VPS39: variants seen among roughly 807,000 people sequenced by gnomAD.
The protein encoded by VPS39 is vam6/Vps39-like protein.
Under a neutral mutation model 121.0 loss-of-function variants are expected in VPS39, and 70 were observed. The observed-to-expected ratio is 0.58, with a 90% confidence interval of 0.48 to 0.71. VPS39 has a LOEUF of 0.71. Ranked by LOEUF, VPS39 falls within the 30% of genes least tolerant of loss-of-function variation. The pLI is 0.00. For synonymous variants in VPS39, 378 were observed against 398.1 expected (o/e 0.95, Z 0.60); for missense variants, 818 against 1,051.5 (o/e 0.78, Z 3.07).
At position 42,187,794 on chromosome 15, in the gene VPS39, G is replaced by C. The variant is rs750415896; in HGVS notation, c.405C>G (p.Leu135=). The change falls in exon 6 of 25, where the codon CTC becomes CTG. Residue 135 remains leucine (L), a synonymous_variant. Coordinates refer to ENST00000318006, the MANE Select transcript of VPS39 (RefSeq NM_015289.5). Reference sequence around the variant, plus strand: ...GAAATTCCCTGTCCTTCCAGAAATAGAGCTGCAGCTTCTTTTTTACTGCCA... The same window carrying C: ...GAAATTCCCTGTCCTTCCAGAAATACAGCTGCAGCTTCTTTTTTACTGCCA... ...MCVAVKKKLQ[L]YFWKDREFHE... is the part of the protein sequence containing the mutation. The C allele has an allele frequency of 6.2e-7, 1 of 1,614,150 alleles. No homozygotes were observed. Among genetic ancestry groups the C allele is most frequent in the Admixed American group, 1.7e-5 (1 of 60,016 alleles).
At chr15:42,164,773 C>T (rs1356503708) in intron 18 of VPS39, 6 of 1,429,282 alleles carry the variant, frequency 4.2e-6, no homozygotes, top group East Asian at 2.5e-5. Flanking sequence ...CCACCCTCCC[C>T]GAGGGATGAC....
intron 6 of VPS39, 136 bp from the exon 7 acceptor site, chr15:42,187,499 G>C: frequency 6.2e-6 from 5 of 805,400 alleles, no homozygotes; most frequent in Non-Finnish European, 9.7e-6. Flanking sequence ...CACAAGGCCA[G>C]GAAACTACCC....
chr15:42,167,009 A>ACACAT, intron 13 of VPS39, 96 bp from the exon 14 acceptor site: 1 of 1,536,148 alleles, frequency 6.5e-7, no homozygotes. Flanking sequence ...CCAGGAATGT[A>ACACAT]GCACAAGCAA....
chr15:42,166,635 C>T lies in VPS39; in HGVS notation c.1534G>A (p.Val512Met), dbSNP rs1413010645. Reference protein sequence around the residue: ...GLHEKALQVLVDQSKKANSPL... With the variant: ...GLHEKALQVLMDQSKKANSPL... Reference sequence around the variant, plus strand: ...GAGTTGGCTTTCTTGGACTGGTCCACGAGCACCTGCAGAGCTGGCCACCAA... The same window carrying T: ...GAGTTGGCTTTCTTGGACTGGTCCATGAGCACCTGCAGAGCTGGCCACCAA... Residue 512 changes from valine to methionine, a missense_variant, in exon 15 of 25, where the codon GTG (valine) becomes ATG (methionine). Transcript: ENST00000318006. 6 of 1,614,182 alleles carry T rather than the reference C, an allele frequency of 3.7e-6. No homozygotes were observed. Among genetic ancestry groups the T allele is most frequent in the South Asian group, 2.2e-5 (2 of 91,080 alleles).
intron 2 of VPS39, among the ~76,000 whole-genome samples, chr15:42,195,226 A>G (rs1595679710): frequency 6.6e-6 from 1 of 152,270 alleles, no homozygotes; most frequent in East Asian, 1.9e-4. Context: ...GGATCACTTG[A>G]GGTCAGGAAT....
At chr15:42,193,684 C>A (rs2049876168) in intron 2 of VPS39, among the ~76,000 whole-genome samples, 1 of 152,058 alleles carries the variant, frequency 6.6e-6, no homozygotes, top group Admixed American at 6.6e-5. Context: ...TTATTATCAC[C>A]CCCAATCTCA....
At chr15:42,178,653 C>A in intron 8 of VPS39, 83 bp from the exon 9 acceptor site, 1 of 1,551,586 alleles carries the variant, frequency 6.4e-7, no homozygotes, top group Non-Finnish European at 8.8e-7. Context: ...TTCTAAGATA[C>A]ATTTAAATGG....
intron 1 of VPS39, among the ~76,000 whole-genome samples, chr15:42,206,419 C>T (rs1312239053): frequency 6.6e-6 from 1 of 152,152 alleles, no homozygotes; most frequent in Non-Finnish European, 1.5e-5. Context: ...TTCTCCTGTT[C>T]GGTGGGTGAT....
At chr15:42,202,154 G>C (rs2050080924) in intron 1 of VPS39, among the ~76,000 whole-genome samples, 2 of 152,198 alleles carry the variant, frequency 1.3e-5, no homozygotes, top group South Asian at 4.1e-4. Flanking sequence ...ATGGGTGTCA[G>C]CCAAAGGTTG....
intron 10 of VPS39, among the ~76,000 whole-genome samples, chr15:42,174,485 T>G (rs1265667116): frequency 6.6e-6 from 1 of 152,196 alleles, no homozygotes; most frequent in Non-Finnish European, 1.5e-5. Flanking sequence ...AAATGCAATC[T>G]GATTTCTGGA....
chr15:42,207,213 G>A (rs1342989696), intron 1 of VPS39, among the ~76,000 whole-genome samples: 1 of 152,140 alleles, frequency 6.6e-6, no homozygotes, highest in Non-Finnish European at 1.5e-5. Context: ...ATCTAGCTCA[G>A]TATAAGATCT....
At chr15:42,161,080 A>T in intron 24 of VPS39, 1 of 475,752 alleles carries the variant, frequency 2.1e-6, no homozygotes. Context: ...GCAAAACACA[A>T]GGCATATTAA....
intron 1 of VPS39, among the ~76,000 whole-genome samples, chr15:42,203,601 A>C (rs2050111779): frequency 6.6e-6 from 1 of 152,044 alleles, no homozygotes; most frequent in Non-Finnish European, 1.5e-5. Flanking sequence ...ATTGTGCGCC[A>C]TTGCACTCCA....
At chr15:42,183,398 G>A (rs927166146) in intron 8 of VPS39, among the ~76,000 whole-genome samples, 7 of 152,056 alleles carry the variant, frequency 4.6e-5, no homozygotes, top group Middle Eastern at 3.4e-3. Flanking sequence ...CACTGTGCCC[G>A]GCCAGAACAT....
At chr15:42,192,624 G>C (rs1385321143) in intron 2 of VPS39, among the ~76,000 whole-genome samples, 2 of 152,168 alleles carry the variant, frequency 1.3e-5, no homozygotes, top group Admixed American at 1.3e-4. Flanking sequence ...CCTCAGCAGA[G>C]GGGATGAAGA....
At chr15:42,201,196 G>C (rs2050061459) in intron 1 of VPS39, among the ~76,000 whole-genome samples, 1 of 151,814 alleles carries the variant, frequency 6.6e-6, no homozygotes, top group Admixed American at 6.6e-5. Context: ...ATTTTTTTAA[G>C]ATAGGGTTCT....
intron 2 of VPS39, among the ~76,000 whole-genome samples, chr15:42,198,063 G>A (rs1159246139): frequency 6.6e-6 from 1 of 152,176 alleles, no homozygotes; most frequent in Non-Finnish European, 1.5e-5. Context: ...TGTCAAAGGT[G>A]ACATGATAAA....
Position 42,161,761 on chromosome 15 carries a change from G to T in VPS39, c.2473C>A (p.Arg825=). The T allele has an allele frequency of 6.2e-7, 1 of 1,614,090 alleles. No individual in the cohort carries two copies. The highest frequency in any genetic ancestry group is 8.5e-7 in the Non-Finnish European group (1 of 1,180,016). The change falls in exon 24 of 25, where the codon CGG becomes AGG. Residue 825 remains arginine (R), a synonymous_variant. Coordinates refer to ENST00000318006, the MANE Select transcript of VPS39 (RefSeq NM_015289.5). ...CACTTCACCTGCTGGTGTAAAATCC[G>T]CTCTTCCTGGACCTGGAAGAACAGG... is the stretch of plus-strand genomic sequence containing the variant. The part of the protein sequence containing the change: ...HAEFLRVQEE[R]ILHQQVKCII...
chr15:42,194,113 T>C (rs2049885274), intron 2 of VPS39, among the ~76,000 whole-genome samples: 1 of 152,090 alleles, frequency 6.6e-6, no homozygotes, highest in African/African-American at 2.4e-5. Flanking sequence ...TAAAAATAAC[T>C]TGTACTGCCT....
Sources: gnomAD v4.1 joint callset for allele counts (sites outside exome capture counted in the v4.1 genomes callset) on GRCh38, gnomAD v4.1.1 for gene constraint, MANE v1.5 for transcripts, NCBI Gene and HGNC (gene_info 2026-07-23, HGNC 2026-07-21) for gene names.